RBFOX1: variants seen among roughly 807,000 people sequenced by gnomAD.
RBFOX1 encodes RNA binding fox-1 homolog 1, also known as RNA binding protein fox-1 homolog 1.
RBFOX1 carries 8 observed loss-of-function variants against 57.7 expected under a neutral mutation model. The ratio of observed to expected loss-of-function variants is 0.14; its 90% CI spans 0.08 to 0.25. The LOEUF is 0.25. Ranked by LOEUF, RBFOX1 falls within the 10% of genes least tolerant of loss-of-function variation. The pLI, the probability that RBFOX1 is intolerant of heterozygous loss-of-function variation, is 1.00. For missense variants in RBFOX1, 611 were observed against 548.5 expected (o/e 1.11, Z -1.14); for synonymous variants, 326 against 222.4 (o/e 1.47, Z -4.15).
intron 3 of RBFOX1, among the ~76,000 whole-genome samples, chr16:5,664,580 G>C (rs960897441): frequency 6.6e-6 from 1 of 152,008 alleles, no homozygotes; most frequent in Non-Finnish European, 1.5e-5. Flanking sequence ...CCTGCTCCCA[G>C]AGTTTCTGCC....
intron 3 of RBFOX1, among the ~76,000 whole-genome samples, chr16:6,893,225 CTG>C (rs770397164): frequency 6.6e-6 from 1 of 152,150 alleles, no homozygotes; most frequent in Non-Finnish European, 1.5e-5. Flanking sequence ...GAAGCAGAGA[CTG>C]TGGAGGGAAC....
At chr16:6,250,032 C>G (rs2097595840) in intron 1 of RBFOX1, among the ~76,000 whole-genome samples, 1 of 152,024 alleles carries the variant, frequency 6.6e-6, no homozygotes, top group Non-Finnish European at 1.5e-5. Flanking sequence ...TTGCAGCTGA[C>G]TAAGCAGGAG....
chr16:7,126,891 C>A (rs991373261), intron 4 of RBFOX1, among the ~76,000 whole-genome samples: 1 of 151,844 alleles, frequency 6.6e-6, no homozygotes, highest in Non-Finnish European at 1.5e-5. Flanking sequence ...CACCTGTAAT[C>A]CCAGCTACTT....
chr16:5,718,890 C>T (rs1205698810), intron 3 of RBFOX1, among the ~76,000 whole-genome samples: 1 of 151,432 alleles, frequency 6.6e-6, no homozygotes, highest in African/African-American at 2.4e-5. Flanking sequence ...GTCTAGGTGA[C>T]AGAGTGAGAT....
At chr16:5,313,647 A>C (rs1009550140) in intron 1 of RBFOX1, among the ~76,000 whole-genome samples, 1 of 152,214 alleles carries the variant, frequency 6.6e-6, no homozygotes, top group African/African-American at 2.4e-5. Context: ...TATGTCTTAC[A>C]TGGATGGCGG....
At chr16:6,447,850 G>C (rs1024554183) in intron 2 of RBFOX1, among the ~76,000 whole-genome samples, 10 of 152,168 alleles carry the variant, frequency 6.6e-5, no homozygotes, top group African/African-American at 2.4e-4. Flanking sequence ...GAAGGGGAAA[G>C]ACAGCCGTCC....
intron 2 of RBFOX1, among the ~76,000 whole-genome samples, chr16:6,347,484 A>C (rs1413532012): frequency 1.3e-5 from 2 of 152,222 alleles, no homozygotes; most frequent in Non-Finnish European, 2.9e-5. Flanking sequence ...GTTGCTGTGA[A>C]AAGAATGTTC....
chr16:6,504,582 C>G (rs944603276), intron 2 of RBFOX1, among the ~76,000 whole-genome samples: 3 of 152,128 alleles, frequency 2.0e-5, no homozygotes, highest in African/African-American at 7.2e-5. Flanking sequence ...TCCAAACATA[C>G]TGAGTCTTAT....
At chr16:7,150,692 A>G (rs1395320115) in intron 4 of RBFOX1, among the ~76,000 whole-genome samples, 1 of 152,244 alleles carries the variant, frequency 6.6e-6, no homozygotes, top group Non-Finnish European at 1.5e-5. Flanking sequence ...AGAAAGAGAT[A>G]AGTCAAAGAT....
chr16:6,904,966 C>A (rs1207939881), intron 3 of RBFOX1, among the ~76,000 whole-genome samples: 1 of 152,144 alleles, frequency 6.6e-6, no homozygotes, highest in Non-Finnish European at 1.5e-5. Flanking sequence ...GGGGATGAAG[C>A]CTCCCTGGCA....
At chr16:6,973,696 T>C (rs763958823) in intron 3 of RBFOX1, among the ~76,000 whole-genome samples, 5 of 152,180 alleles carry the variant, frequency 3.3e-5, no homozygotes, top group Non-Finnish European at 5.9e-5. Context: ...GAGTAAAGTG[T>C]GTTGAATCAT....
chr16:6,233,456 A>G (rs11648146), intron 1 of RBFOX1, among the ~76,000 whole-genome samples: 29,527 of 151,958 alleles, frequency 0.19, 3,603 homozygotes, highest in East Asian at 0.43. Flanking sequence ...GCCTGATTAT[A>G]TTACCCCATA....
chr16:6,088,712 C>G (rs1022638331), intron 1 of RBFOX1, among the ~76,000 whole-genome samples: 6 of 152,142 alleles, frequency 3.9e-5, no homozygotes, highest in Non-Finnish European at 1.5e-5. Flanking sequence ...CATGAACCCC[C>G]TGCAATGACT....
intron 10 of RBFOX1, among the ~76,000 whole-genome samples, chr16:7,617,428 A>C (rs973579293): frequency 3.3e-5 from 5 of 152,220 alleles, no homozygotes; most frequent in Non-Finnish European, 4.4e-5. Context: ...TGGCCCGTAC[A>C]AAAACATTGT....
At chr16:5,606,924 C>T (rs1322538515) in intron 3 of RBFOX1, among the ~76,000 whole-genome samples, 1 of 152,262 alleles carries the variant, frequency 6.6e-6, no homozygotes, top group East Asian at 1.9e-4. Flanking sequence ...TGCCCCAGTG[C>T]TCCATAGTAG....
At chr16:6,027,093 T>A (rs939039332) in intron 1 of RBFOX1, among the ~76,000 whole-genome samples, 1 of 152,210 alleles carries the variant, frequency 6.6e-6, no homozygotes, top group Admixed American at 6.5e-5. Context: ...TTCTGTGAAT[T>A]TTAGAATATA....
intron 2 of RBFOX1, among the ~76,000 whole-genome samples, chr16:5,495,933 C>G (rs143351913): frequency 0.018 from 2,671 of 152,294 alleles, 40 homozygotes; most frequent in African/African-American, 0.047. Flanking sequence ...TGAGGCCATC[C>G]TGGCCAACAT....
chr16:7,314,139 C>T (rs558794529), intron 4 of RBFOX1, among the ~76,000 whole-genome samples: 2 of 152,126 alleles, frequency 1.3e-5, no homozygotes, highest in African/African-American at 4.8e-5. Flanking sequence ...AAGAACGAGG[C>T]TGTGAGAATC....
intron 4 of RBFOX1, among the ~76,000 whole-genome samples, chr16:5,904,625 G>A (rs1474921696): frequency 6.6e-6 from 1 of 151,950 alleles, no homozygotes; most frequent in Non-Finnish European, 1.5e-5. Context: ...CTTCTATGTT[G>A]AGGTCTTTGC....
Sources: gnomAD v4.1 joint callset for allele counts (sites outside exome capture counted in the v4.1 genomes callset) on GRCh38, gnomAD v4.1.1 for gene constraint, MANE v1.5 for transcripts, NCBI Gene and HGNC (gene_info 2026-07-23, HGNC 2026-07-21) for gene names.